Variants in MED12L observed in about 807,000 individuals in gnomAD.
The protein encoded by MED12L is mediator complex subunit 12L.
Under a neutral mutation model 281.3 loss-of-function variants are expected in MED12L, and 60 were observed. The ratio of observed to expected loss-of-function variants is 0.21; its 90% confidence interval spans 0.17 to 0.26. The LOEUF is 0.26. MED12L is among the 10% of genes least tolerant of loss of function. MED12L has a pLI of 1.00. For missense variants in MED12L, 2,146 were observed against 2,680.9 expected, an observed-to-expected ratio of 0.80 and a Z score of 4.41; for synonymous variants, 974 against 987.2, an observed-to-expected ratio of 0.99 and a Z score of 0.25.
chr3:151,139,033 A>AATGT (rs1239859957), intron 5 of MED12L, among the ~76,000 whole-genome samples: 1 of 149,986 alleles, frequency 6.7e-6, no homozygotes, highest in Non-Finnish European at 1.5e-5. Context: ...TTCATTCATT[A>AATGT]ATGTATGTAT....
rs115108592 is a variant in MED12L, at chr3:151,189,981, T to C, written c.1754-736T>C. On this transcript the variant is annotated intron_variant, in intron 13 of 44. Transcript: ENST00000687756. ...AAACACCATTTAAATTGTGGTTCAA[T>C]TGTAAAATCTCCTTTGAAAATGTGC... 4.4e-3 allele frequency among the ~76,000 whole-genome samples: 673 copies of C among 152,318 alleles called. 7 individuals carry two copies. The highest frequency in any genetic ancestry group is 0.015 in the African/African-American group (642 of 41,568).
At chr3:151,362,084 A>G (rs1164390302) in intron 21 of MED12L, among the ~76,000 whole-genome samples, 5 of 151,916 alleles carry the variant, frequency 3.3e-5, no homozygotes, top group Non-Finnish European at 7.4e-5. Context: ...AAATTCTGTG[A>G]TCTCTGCCTT....
chr3:151,211,817 A>G (rs1467241688), intron 16 of MED12L, among the ~76,000 whole-genome samples: 1 of 151,902 alleles, frequency 6.6e-6, no homozygotes, highest in African/African-American at 2.4e-5. Flanking sequence ...CTGGCTAATT[A>G]TATTTTTTTG....
intron 20 of MED12L, among the ~76,000 whole-genome samples, chr3:151,357,613 G>A (rs1754087567): frequency 6.6e-6 from 1 of 151,980 alleles, no homozygotes; most frequent in African/African-American, 2.4e-5. Context: ...CCCTCTCCCT[G>A]GTTTCTAAGT....
intron 16 of MED12L, chr3:151,198,580 A>C: frequency 6.2e-7 from 1 of 1,614,040 alleles, no homozygotes; most frequent in Admixed American, 1.7e-5. Flanking sequence ...GGAGCAGTGT[A>C]GCCTCTTTGG....
At chr3:151,358,922 T>C (rs530550440) in intron 20 of MED12L, among the ~76,000 whole-genome samples, 2 of 152,320 alleles carry the variant, frequency 1.3e-5, no homozygotes, top group African/African-American at 4.8e-5. Flanking sequence ...GCTTTATAGA[T>C]AATATCAGGA....
intron 16 of MED12L, chr3:151,242,017 G>C (rs1482567826): frequency 6.6e-6 from 1 of 152,566 alleles, no homozygotes; most frequent in Non-Finnish European, 1.5e-5. Flanking sequence ...GTGACGGACG[G>C]CACCTGGAAA....
chr3:151,341,023 A>C (rs1393460217), intron 16 of MED12L, among the ~76,000 whole-genome samples: 1 of 152,170 alleles, frequency 6.6e-6, no homozygotes, highest in Non-Finnish European at 1.5e-5. Context: ...TATGCAAATG[A>C]TAAATCCAAG....
chr3:151,195,036 G>T (rs1285081524), intron 16 of MED12L, among the ~76,000 whole-genome samples: 1 of 152,078 alleles, frequency 6.6e-6, no homozygotes, highest in East Asian at 1.9e-4. Context: ...GGTGGCGGGC[G>T]CCTGTAGTCG....
chr3:151,315,698 T>C (rs1248516497), intron 16 of MED12L, among the ~76,000 whole-genome samples: 2 of 152,202 alleles, frequency 1.3e-5, no homozygotes, highest in East Asian at 3.9e-4. Context: ...TCTGGCTTTT[T>C]TCCCCCCAGT....
chr3:151,409,392 G>A (rs995550437), intron 40 of MED12L, 60 bp downstream of exon 40: 32 of 1,461,216 alleles, frequency 2.2e-5, no homozygotes, highest in Non-Finnish European at 3.0e-5. Flanking sequence ...TTGGAGGTGG[G>A]AAATTAAGTA....
rs1341199527 is a variant in MED12L, at chr3:151,233,563, G to C, written c.2250+39897G>C. Among the ~76,000 whole-genome samples the C allele has an allele frequency of 2.0e-5, 3 of 152,144 alleles. No individual in the cohort carries two copies. The East Asian group carries it at 5.8e-4, about 29-fold the overall frequency. ...AGCCTGACCAACATGGAGAAACCCTGTCTCTACTAAAAATACAAAATTAGC... is the reference window on the plus strand; with the variant it reads ...AGCCTGACCAACATGGAGAAACCCTCTCTCTACTAAAAATACAAAATTAGC... On this transcript the variant is annotated intron_variant, in intron 16 of 44. Coordinates refer to ENST00000687756, the MANE Select transcript of MED12L (RefSeq NM_001393769.1).
At chr3:151,417,484 C>CG (rs1560144231) in intron 43 of MED12L, among the ~76,000 whole-genome samples, 1 of 87,482 alleles carries the variant, frequency 1.1e-5, no homozygotes, top group African/African-American at 4.1e-5. Flanking sequence ...GCTCCCCCCC[C>CG]GCCTTTTTTT....
intron 16 of MED12L, chr3:151,294,370 T>C (rs372384562): frequency 1.4e-4 from 222 of 1,613,904 alleles, no homozygotes; most frequent in Non-Finnish European, 1.7e-4. Flanking sequence ...TGCAGTAATA[T>C]AGGATTTTTT....
intron 16 of MED12L, among the ~76,000 whole-genome samples, chr3:151,304,066 C>T (rs1298857821): frequency 2.0e-5 from 3 of 152,178 alleles, no homozygotes; most frequent in East Asian, 3.9e-4. Context: ...CAGTGCTCCA[C>T]GTGCTGGGGG....
At chr3:151,169,381 A>G (rs893164705) in intron 11 of MED12L, among the ~76,000 whole-genome samples, 16 of 152,172 alleles carry the variant, frequency 1.1e-4, no homozygotes, top group African/African-American at 3.4e-4. Context: ...TTGGCCTCCT[A>G]AAGTGCTGGG....
rs1416679504 is a variant in MED12L at position 151,086,828 on chromosome 3, G to T, written c.-99G>T. ...CAGCGAGCGAGCGAGCGAGGAGGGG[G>T]AGAGAGGGAGTCTGTCTGCAAAGTG... On this transcript the variant is annotated 5_prime_UTR_variant, in exon 2 of 45. Coordinates refer to ENST00000687756, the MANE Select transcript of MED12L (RefSeq NM_001393769.1). 8 of 897,844 alleles carry T rather than the reference G, an allele frequency of 8.9e-6. No homozygotes were observed. The South Asian group carries it at 1.4e-4, about 16-fold the overall frequency. The allele number at this position is 897,844 out of a possible 1,614,324, so 55.6% of individuals were successfully genotyped here.
chr3:151,175,236 C>T (rs943407566), intron 11 of MED12L, among the ~76,000 whole-genome samples: 1 of 152,144 alleles, frequency 6.6e-6, no homozygotes, highest in South Asian at 2.1e-4. Flanking sequence ...AATATAACTA[C>T]ACTACATATT....
In MED12L at chr3:151,156,325, T is replaced by A; in HGVS notation, c.721T>A (p.Phe241Ile). 1 of 1,604,190 alleles carries A rather than the reference T, an allele frequency of 6.2e-7. No individual in the cohort carries two copies. The highest frequency in any genetic ancestry group is 8.5e-7 in the Non-Finnish European group (1 of 1,176,082). ...CAACGAAAAGCTAGCATTTCACATG[T>A]TCCAGGTAACCTTTTGAAGACATGC... ...EYNEKLAFHM[F>I]QEGMLEKHEY... The change falls in exon 6 of 45, where the codon TTC becomes ATC. Residue 241 changes from phenylalanine to isoleucine, a missense_variant. Around this residue, in one of 9 missense-constraint regions of MED12L, gnomAD observed 722 missense variants for 861.2 expected, o/e 0.84. Coordinates refer to ENST00000687756, the MANE Select transcript of MED12L (RefSeq NM_001393769.1).
Sources: allele counts gnomAD v4.1 joint callset (sites outside exome capture counted in the v4.1 genomes callset), GRCh38; gene constraint gnomAD v4.1.1; regional missense constraint gnomAD v4.1.1; transcripts MANE v1.5; gene names NCBI Gene and HGNC (gene_info 2026-07-23, HGNC 2026-07-21).